HDHD2: variants seen among roughly 807,000 people sequenced by gnomAD.
The protein encoded by HDHD2 is haloacid dehalogenase like hydrolase domain containing 2, also known as haloacid dehalogenase-like hydrolase domain-containing protein 2.
HDHD2 carries 26 observed loss-of-function variants against 24.8 expected under a neutral mutation model. The ratio of observed to expected loss-of-function variants is 1.05; its 90% CI spans 0.77 to 1.45. The LOEUF (loss-of-function observed/expected upper bound fraction) is 1.45. HDHD2 is among the 40% of genes most tolerant of loss of function. The pLI is 0.00. For missense variants in HDHD2, 299 were observed against 313.4 expected (o/e 0.95, Z 0.35); for synonymous variants, 128 against 114.9 (o/e 1.11, Z -0.73).
chr18:47,130,313 T>A lies in HDHD2; in HGVS notation c.326A>T (p.Asp109Val), dbSNP rs372241005. Residue 109 changes from aspartate to valine, a missense_variant, in exon 4 of 7, where the codon GAT (aspartate) becomes GTT (valine). By Grantham distance (152) the Asp-to-Val change is radical (BLOSUM62 -3). Coordinates refer to ENST00000300605, the MANE Select transcript of HDHD2 (RefSeq NM_032124.5). ...CAATCCCATGACCACAGCATTAGGA[T>A]CACTTGTTTGTATTCCTGGGAACGG... ...LPDFKGIQTS[D>V]PNAVVMGLAP... 6.3e-7 allele frequency: 1 copy of A among 1,597,534 alleles called. No homozygotes were observed. Among genetic ancestry groups the A allele is most frequent in the Non-Finnish European group, 8.5e-7 (1 of 1,171,044 alleles).
At chr18:47,122,409 G>T (rs2063615632) in intron 4 of HDHD2, among the ~76,000 whole-genome samples, 1 of 152,044 alleles carries the variant, frequency 6.6e-6, no homozygotes, top group Non-Finnish European at 1.5e-5. Flanking sequence ...AGCATCCCTG[G>T]CCTCTACCCA....
At chr18:47,113,886 T>A (rs2063535642) in intron 5 of HDHD2, among the ~76,000 whole-genome samples, 1 of 151,506 alleles carries the variant, frequency 6.6e-6, no homozygotes, top group African/African-American at 2.4e-5. Context: ...TGTTGAAGAG[T>A]GGAGATGGGG....
chr18:47,125,619 T>A lies in HDHD2; in HGVS notation c.395+4625A>T, dbSNP rs549934544. Among the ~76,000 whole-genome samples, 43 of 152,282 alleles carry A rather than the reference T, an allele frequency of 2.8e-4. No individual in the cohort carries two copies. The South Asian group carries it at 8.5e-3, about 30-fold the overall frequency. ...GTACTGGTACACGCAAAAACTTGGA[T>A]AAATCTCAAAAGCAGACCAAAAAAT... On this transcript the variant is annotated intron_variant, in intron 4 of 6. Transcript: ENST00000300605.
intron 4 of HDHD2, among the ~76,000 whole-genome samples, chr18:47,123,258 C>T (rs2063624461): frequency 6.6e-6 from 1 of 152,156 alleles, no homozygotes; most frequent in Non-Finnish European, 1.5e-5. Context: ...AATTAGCTTT[C>T]TATGTATTAG....
At chr18:47,133,885 C>T (rs1483895845) in intron 3 of HDHD2, among the ~76,000 whole-genome samples, 1 of 152,114 alleles carries the variant, frequency 6.6e-6, no homozygotes, top group Non-Finnish European at 1.5e-5. Context: ...AGCCTTTTGT[C>T]AGATGAGCAG....
chr18:47,115,136 C>A lies in HDHD2; in HGVS notation c.608G>T (p.Gly203Val). 1.2e-6 allele frequency: 2 copies of A among 1,612,146 alleles called. No homozygotes were observed. Among genetic ancestry groups the A allele is most frequent in the South Asian group, 1.1e-5 (1 of 90,984 alleles). Residue 203 changes from glycine to valine, a missense_variant, in exon 5 of 7, where the codon GGA (glycine) becomes GTA (valine). Coordinates refer to ENST00000300605, the MANE Select transcript of HDHD2 (RefSeq NM_032124.5). Reference sequence around the variant, plus strand: ...CTCCTGGGTTCTTCTACTTACATCTCCTATCATGACAGCCTCCTCAGGTTC... The same window carrying A: ...CTCCTGGGTTCTTCTACTTACATCTACTATCATGACAGCCTCCTCAGGTTC... ...GCEPEEAVMI[G>V]DDCRDDVGGA...
chr18:47,127,484 G>A (rs1466984068), intron 4 of HDHD2, among the ~76,000 whole-genome samples: 5 of 152,136 alleles, frequency 3.3e-5, no homozygotes, highest in South Asian at 2.1e-4. Context: ...ACTTTTCCAC[G>A]ATGAGGATAT....
At chr18:47,111,212 A>G (rs1280343325) in intron 6 of HDHD2, 11 of 985,296 alleles carry the variant, frequency 1.1e-5, no homozygotes, top group Non-Finnish European at 1.3e-5. Flanking sequence ...GGCTTCTCAG[A>G]GACTAAACTG....
chr18:47,149,696 C>G (rs909358151), intron 1 of HDHD2, among the ~76,000 whole-genome samples: 2 of 152,176 alleles, frequency 1.3e-5, no homozygotes, highest in Non-Finnish European at 2.9e-5. Context: ...TGATAACCAT[C>G]ACTTCCTCTG....
intron 4 of HDHD2, among the ~76,000 whole-genome samples, chr18:47,125,003 G>A (rs1192129518): frequency 6.6e-6 from 1 of 151,752 alleles, no homozygotes; most frequent in African/African-American, 2.4e-5. Context: ...CTACAAAAAC[G>A]AATTAAAAAT....
At chr18:47,132,004 A>C (rs2063717829) in intron 3 of HDHD2, among the ~76,000 whole-genome samples, 1 of 152,184 alleles carries the variant, frequency 6.6e-6, no homozygotes, top group Admixed American at 6.5e-5. Context: ...ACATGGTTCC[A>C]AAGTCAAAAT....
At chr18:47,124,265 C>G (rs1236402848) in intron 4 of HDHD2, among the ~76,000 whole-genome samples, 1 of 152,080 alleles carries the variant, frequency 6.6e-6, no homozygotes, top group Non-Finnish European at 1.5e-5. Context: ...ATTTCTTAAA[C>G]AAAACAGAAG....
chr18:47,149,753 G>A (rs1454198215), intron 1 of HDHD2, among the ~76,000 whole-genome samples: 1 of 152,138 alleles, frequency 6.6e-6, no homozygotes, highest in Non-Finnish European at 1.5e-5. Flanking sequence ...AGTTAGGCTA[G>A]GAGCCACCTG....
intron 6 of HDHD2, 150 bp downstream of exon 6, chr18:47,112,827 C>G: frequency 1.6e-6 from 1 of 642,572 alleles, no homozygotes. Context: ...CCAATTGTTT[C>G]CTATAATCCT....
chr18:47,139,527 T>A (rs187693293), intron 1 of HDHD2, among the ~76,000 whole-genome samples: 1 of 151,476 alleles, frequency 6.6e-6, no homozygotes, highest in Admixed American at 6.6e-5. Flanking sequence ...TAAGTAAGTG[T>A]TTCCCTGAAT....
chr18:47,113,008 A>G lies in HDHD2; in HGVS notation c.645T>C (p.Asp215=), dbSNP rs2063528008. The change falls in exon 6 of 7, where the codon GAT becomes GAC. Residue 215 remains aspartate (D), a synonymous_variant. Coordinates refer to ENST00000300605, the MANE Select transcript of HDHD2 (RefSeq NM_032124.5). Reference sequence around the variant, plus strand: ...TTACTAAGATGCCCAGCATGCCGACATCTTGAGCCCCACCAACATCATCCC... The same window carrying G: ...TTACTAAGATGCCCAGCATGCCGACGTCTTGAGCCCCACCAACATCATCCC... The part of the protein sequence containing the change: ...DCRDDVGGAQ[D]VGMLGILVKT... The G allele has an allele frequency of 6.2e-7, 1 of 1,614,188 alleles. No homozygotes were observed. The highest frequency in any genetic ancestry group is 8.5e-7 in the Non-Finnish European group (1 of 1,180,002).
chr18:47,123,146 T>C (rs2063623536), intron 4 of HDHD2, among the ~76,000 whole-genome samples: 1 of 152,170 alleles, frequency 6.6e-6, no homozygotes, highest in African/African-American at 2.4e-5. Flanking sequence ...ATTGTCTATA[T>C]AGAAAATGCA....
At chr18:47,121,077 A>G (rs2063601715) in intron 4 of HDHD2, among the ~76,000 whole-genome samples, 1 of 152,058 alleles carries the variant, frequency 6.6e-6, no homozygotes, top group Admixed American at 6.6e-5. Flanking sequence ...TGACTTGCTC[A>G]ATGTAGGGTT....
chr18:47,111,265 AGAC>A lies in HDHD2; in HGVS notation c.676+1709_676+1711del. On this transcript the variant is annotated intron_variant, in intron 6 of 6. Coordinates refer to ENST00000300605, the MANE Select transcript of HDHD2 (RefSeq NM_032124.5). Reference sequence around the variant, plus strand: ...GTCACAATAAAATGCCAGTCACAATAGACGACAGAGCCAGTGGAGACCAGCTGG... The same window carrying A: ...GTCACAATAAAATGCCAGTCACAATAGACAGAGCCAGTGGAGACCAGCTGG... 3 of 985,270 alleles carry A rather than the reference AGAC, an allele frequency of 3.0e-6. No homozygotes were observed. The South Asian group carries it at 1.4e-4, about 46-fold the overall frequency. 61.0% of individuals were successfully genotyped at this position (985,270 alleles called of 1,614,324 possible).
Sources: gnomAD v4.1 joint callset for allele counts (sites outside exome capture counted in the v4.1 genomes callset) on GRCh38, gnomAD v4.1.1 for gene constraint, MANE v1.5 for transcripts, NCBI Gene and HGNC (gene_info 2026-07-23, HGNC 2026-07-21) for gene names.